The following RAB31 variants were observed in gnomAD, a reference collection of about 807,000 sequenced individuals.
RAB31 encodes the protein RAB31, member RAS oncogene family.
In RAB31, 21 loss-of-function variants were observed where a neutral mutation model predicts 25.6. The observed-to-expected ratio is 0.82, with a 90% CI of 0.58 to 1.18. RAB31 has a LOEUF of 1.18. Among genes scored for constraint, RAB31 ranks in the 50% most tolerant of loss-of-function variants. The pLI is 0.00. For missense variants in RAB31, 196 were observed against 250.1 expected, an observed-to-expected ratio of 0.78 and a Z score of 1.46; for synonymous variants, 87 against 84.0, an observed-to-expected ratio of 1.04 and a Z score of -0.20.
intron 5 of RAB31, among the ~76,000 whole-genome samples, chr18:9,836,138 G>T (rs372186723): frequency 6.6e-6 from 1 of 152,070 alleles, no homozygotes; most frequent in Admixed American, 6.5e-5. Context: ...CTGCTGTGCT[G>T]CTCGTGGCCG....
intron 3 of RAB31, among the ~76,000 whole-genome samples, chr18:9,792,632 C>G (rs2068466820): frequency 6.6e-6 from 1 of 152,188 alleles, no homozygotes; most frequent in Non-Finnish European, 1.5e-5. Context: ...ACTGGCTGAG[C>G]ATGCACCTCT....
chr18:9,767,571 C>A (rs912935534), intron 1 of RAB31, among the ~76,000 whole-genome samples: 2 of 152,178 alleles, frequency 1.3e-5, no homozygotes, highest in Non-Finnish European at 2.9e-5. Context: ...TTATTCCCTG[C>A]AGGGCTGGGT....
chr18:9,753,414 T>A (rs559492365), intron 1 of RAB31, among the ~76,000 whole-genome samples: 4 of 152,342 alleles, frequency 2.6e-5, no homozygotes, highest in African/African-American at 9.6e-5. Context: ...TGCCATGTGA[T>A]GCCCTGCTCC....
At chr18:9,709,060 G>A (rs996434766) in intron 1 of RAB31, among the ~76,000 whole-genome samples, 9 of 152,206 alleles carry the variant, frequency 5.9e-5, no homozygotes, top group African/African-American at 1.9e-4. Context: ...TGACCTGTGC[G>A]GAGCGCGCCC....
intron 5 of RAB31, among the ~76,000 whole-genome samples, chr18:9,833,961 C>CT (rs1375170371): frequency 6.6e-6 from 1 of 152,116 alleles, no homozygotes; most frequent in Non-Finnish European, 1.5e-5. Flanking sequence ...TCCCTTCATG[C>CT]TTTTTATGAG....
intron 1 of RAB31, among the ~76,000 whole-genome samples, chr18:9,768,651 G>A (rs2068328689): frequency 6.6e-6 from 1 of 152,102 alleles, no homozygotes; most frequent in Admixed American, 6.5e-5. Context: ...TAAGTTGCCT[G>A]TTCACTCTGA....
intron 3 of RAB31, among the ~76,000 whole-genome samples, chr18:9,805,810 GC>G (rs777805634): frequency 1.2e-4 from 18 of 152,266 alleles, no homozygotes; most frequent in Non-Finnish European, 2.2e-4. Flanking sequence ...TTTCAGAGAA[GC>G]AACACAGGAA....
intron 5 of RAB31, among the ~76,000 whole-genome samples, chr18:9,839,679 G>GAGC (rs1305192826): frequency 6.6e-6 from 1 of 152,154 alleles, no homozygotes; most frequent in Non-Finnish European, 1.5e-5. Flanking sequence ...CATTTGCCCT[G>GAGC]AGCAGCAGCT....
intron 3 of RAB31, among the ~76,000 whole-genome samples, chr18:9,795,009 C>T (rs2068480011): frequency 6.6e-6 from 1 of 152,090 alleles, no homozygotes; most frequent in Admixed American, 6.6e-5. Flanking sequence ...AGGGCATAGT[C>T]ATCAAAACAG....
At chr18:9,836,740 G>C (rs1294649969) in intron 5 of RAB31, among the ~76,000 whole-genome samples, 1 of 125,524 alleles carries the variant, frequency 8.0e-6, no homozygotes, top group African/African-American at 2.8e-5. Context: ...AGACACAAGG[G>C]GAGACTCAGT....
intron 5 of RAB31, among the ~76,000 whole-genome samples, chr18:9,833,334 G>A (rs1439758581): frequency 1.3e-5 from 2 of 152,184 alleles, no homozygotes; most frequent in Non-Finnish European, 2.9e-5. Flanking sequence ...GCAGCCCACA[G>A]GGGCCCGGAA....
chr18:9,796,559 AC>A (rs1360167537), intron 3 of RAB31, among the ~76,000 whole-genome samples: 2 of 152,130 alleles, frequency 1.3e-5, no homozygotes, highest in Non-Finnish European at 2.9e-5. Context: ...TTTCACTTTT[AC>A]CCAAATTAAG....
intron 1 of RAB31, among the ~76,000 whole-genome samples, chr18:9,769,648 ACTTCTTCTTTTCCTAT>A (rs551604624): frequency 6.6e-6 from 1 of 152,268 alleles, no homozygotes; most frequent in East Asian, 1.9e-4. Flanking sequence ...AGACAATTTG[ACTTCTTCTTTTCCTAT>A]TTGAATACCC....
At chr18:9,716,910 T>TTTTCTTTCTTTCTTTCTTTCTTTCTTTC (rs71168100) in intron 1 of RAB31, among the ~76,000 whole-genome samples, 2 of 128,778 alleles carry the variant, frequency 1.6e-5, no homozygotes, top group Admixed American at 7.5e-5. Flanking sequence ...ACTTGGCTAA[T>TTTTCTTTCTTTCTTTCTTTCTTTCTTTC]TTTCTTTCTT....
intron 2 of RAB31, among the ~76,000 whole-genome samples, chr18:9,783,659 TG>T (rs2068417038): frequency 6.6e-6 from 1 of 152,154 alleles, no homozygotes; most frequent in Non-Finnish European, 1.5e-5. Flanking sequence ...AATGTTAAAC[TG>T]GAAAAATATT....
intron 1 of RAB31, among the ~76,000 whole-genome samples, chr18:9,741,191 C>G (rs969893515): frequency 2.6e-5 from 4 of 151,924 alleles, no homozygotes; most frequent in Admixed American, 1.3e-4. Context: ...GCCCGGCCAA[C>G]ATGGTGAAAC....
At chr18:9,845,726 G>A in intron 6 of RAB31, 35 bp downstream of exon 6, 1 of 1,515,360 alleles carries the variant, frequency 6.6e-7, no homozygotes, top group African/African-American at 1.4e-5. Flanking sequence ...AGCCCAACTT[G>A]CATTTTTATG....
chr18:9,717,677 AGAG>A (rs946150765), intron 1 of RAB31, among the ~76,000 whole-genome samples: 5 of 152,166 alleles, frequency 3.3e-5, no homozygotes, highest in Admixed American at 6.5e-5. Context: ...GAAGAGAGAA[AGAG>A]GAGAAGAGAA....
chr18:9,710,376 G>A (rs2068010072), intron 1 of RAB31, among the ~76,000 whole-genome samples: 1 of 152,172 alleles, frequency 6.6e-6, no homozygotes, highest in South Asian at 2.1e-4. Context: ...CCTGGGAGAG[G>A]AGGAAGCTGG....
Sources: allele counts gnomAD v4.1 joint callset (sites outside exome capture counted in the v4.1 genomes callset), GRCh38; gene constraint gnomAD v4.1.1; transcripts MANE v1.5; gene names NCBI Gene and HGNC (gene_info 2026-07-23, HGNC 2026-07-21).